The following RPF1 variants were observed in gnomAD, a reference collection of about 807,000 sequenced individuals.
RPF1 encodes ribosome production factor 1 homolog.
RPF1 carries 34 observed loss-of-function variants against 41.9 expected under a neutral mutation model. The observed-to-expected ratio is 0.81, with a 90% CI of 0.62 to 1.08. The LOEUF is 1.08. Ranked by LOEUF, RPF1 falls within the 50% of genes least tolerant of loss-of-function variation. The probability of loss-of-function intolerance (pLI) is 0.00; values close to 1 mark genes in which losing one functional copy is unlikely to be tolerated. For synonymous variants in RPF1, 140 were observed against 148.9 expected (o/e 0.94, Z 0.43); for missense variants, 425 against 435.2 (o/e 0.98, Z 0.21).
intron 5 of RPF1, among the ~76,000 whole-genome samples, chr1:84,490,906 AAGGAGGGGAATAAGGC>A (rs1356160639): frequency 6.6e-6 from 1 of 152,190 alleles, no homozygotes; most frequent in Non-Finnish European, 1.5e-5. Flanking sequence ...GATGAGGGTG[AAGGAGGGGAATAAGGC>A]AGAGAAAAGC....
rs1224772789 is a variant in RPF1, at chr1:84,482,924, A to G, written c.295A>G (p.Lys99Glu). Reference protein sequence around the residue: ...REALGDKAPPKPVPKTIDNQR... With the variant: ...REALGDKAPPEPVPKTIDNQR... ...CTTCTCTTTTACTTAGGCTCCACCAAAGCCTGTACCCAAGACCATTGACAA... is the reference window on the plus strand; with the variant it reads ...CTTCTCTTTTACTTAGGCTCCACCAGAGCCTGTACCCAAGACCATTGACAA... The change falls in exon 3 of 9, where the codon AAG (lysine) becomes GAG (glutamate). Residue 99 changes from lysine to glutamate, a missense_variant. Physicochemically the swap from Lys to Glu is moderately conservative, Grantham distance 56. Coordinates refer to ENST00000370654, the MANE Select transcript of RPF1 (RefSeq NM_025065.7). The G allele has an allele frequency of 3.7e-6, 6 of 1,606,646 alleles. No homozygotes were observed. The South Asian group carries it at 5.5e-5, about 15-fold the overall frequency.
In RPF1 at chr1:84,482,947, C is replaced by T. The variant is rs1482268667; in HGVS notation, c.318C>T (p.Asp106=). 3.7e-6 allele frequency: 6 copies of T among 1,611,960 alleles called. No individual in the cohort carries two copies. The highest frequency in any genetic ancestry group is 4.2e-6 in the Non-Finnish European group (5 of 1,178,236). Residue 106 remains aspartate, a synonymous_variant, in exon 3 of 9, where the codon GAC becomes GAT. Transcript: ENST00000370654. ...CAAAGCCTGTACCCAAGACCATTGA[C>T]AACCAGCGAGTGTATGATGAAACCA... ...APPKPVPKTI[D]NQRVYDETTV...
At position 84,483,088 on chromosome 1, in the gene RPF1, A is replaced by G. The variant is rs1250887210; in HGVS notation, c.366+93A>G. On this transcript the variant is annotated intron_variant, in intron 3 of 8. Coordinates refer to ENST00000370654, the MANE Select transcript of RPF1 (RefSeq NM_025065.7). ...TGATATTTAAAGTGCTGGCTGGCCA[A>G]GTTGCATAATGGACTGATTCAGCTA... 4.2e-5 allele frequency: 32 copies of G among 762,706 alleles called. 1 individual carries two copies. In the South Asian group the frequency reaches 4.9e-4, roughly 12 times the overall value. The allele number at this position is 762,706 out of a possible 1,614,324, so 47.2% of individuals were successfully genotyped here.
chr1:84,482,916 C>T lies in RPF1; in HGVS notation c.287C>T (p.Ala96Val), dbSNP rs1407838578. The T allele has an allele frequency of 1.0e-5, 16 of 1,598,888 alleles. No homozygotes were observed. The highest frequency in any genetic ancestry group is 1.3e-5 in the Non-Finnish European group (15 of 1,166,852). The change falls in exon 3 of 9, where the codon GCT becomes GTT. Residue 96 changes from alanine (A) to valine (V), a missense_variant and splice_region_variant. Ala to Val is a moderately conservative substitution (Grantham distance 64, BLOSUM62 0). Coordinates refer to ENST00000370654, the MANE Select transcript of RPF1 (RefSeq NM_025065.7). ...TGTAATCCCTTCTCTTTTACTTAGG[C>T]TCCACCAAAGCCTGTACCCAAGACC... Reference protein sequence around the residue: ...KKEREALGDKAPPKPVPKTID... With the variant: ...KKEREALGDKVPPKPVPKTID...
intron 6 of RPF1, 67 bp from the exon 7 acceptor site, chr1:84,495,809 CTTGAAA>C (rs1363559146): frequency 1.0e-6 from 1 of 980,444 alleles, no homozygotes; most frequent in Non-Finnish European, 1.5e-6. Context: ...AATTTTGATA[CTTGAAA>C]TTGCATTGGG....
chr1:84,490,230 T>C (rs1191803509), intron 4 of RPF1, 89 bp from the exon 5 acceptor site: 1 of 812,762 alleles, frequency 1.2e-6, no homozygotes, highest in Non-Finnish European at 1.8e-6. Context: ...TCATAATAAT[T>C]ATTATTTCTT....
intron 7 of RPF1, 74 bp downstream of exon 7, chr1:84,496,137 A>T: frequency 1.4e-6 from 2 of 1,475,430 alleles, no homozygotes; most frequent in Non-Finnish European, 1.9e-6. Context: ...ATTTTCCAAC[A>T]TATTGTAGCA....
rs1198956009 is a variant in RPF1, at chr1:84,498,168, TCA to T, written c.*701_*702del. Among the ~76,000 whole-genome samples, 2 of 152,206 alleles carry T rather than the reference TCA, an allele frequency of 1.3e-5. No homozygotes were observed. Among genetic ancestry groups the T allele is most frequent in the African/African-American group, 4.8e-5 (2 of 41,440 alleles). ...CTCCTGACCTTAAAAGAATAAAGGT[TCA>T]CAGTTTACCTTTAATTCCCTAGCAG... On this transcript the variant is annotated 3_prime_UTR_variant, in exon 9 of 9. Coordinates refer to ENST00000370654, the MANE Select transcript of RPF1 (RefSeq NM_025065.7).
At chr1:84,483,279 T>G (rs1169269562) in intron 3 of RPF1, 31 of 363,256 alleles carry the variant, frequency 8.5e-5, no homozygotes, top group Non-Finnish European at 3.6e-5. Context: ...TGTTTTTGAT[T>G]TTGTTGAGAC....
rs373615596 is a variant in RPF1 at position 84,495,325 on chromosome 1, G to C, written c.617-48G>C. The stretch of plus-strand genomic sequence containing the variant: ...AGAGGACCAGTTATTTAAACAATTA[G>C]ATTTAGATTACAGAGTTCAATGTGT... On this transcript the variant is annotated intron_variant, in intron 5 of 8. Transcript: ENST00000370654. The C allele has an allele frequency of 7.9e-5, 69 of 870,474 alleles. No individual in the cohort carries two copies. The African/African-American group carries it at 1.1e-3, about 14-fold the overall frequency. The allele number at this position is 870,474 out of a possible 1,614,324, so 53.9% of individuals were successfully genotyped here. A position where few individuals can be genotyped will look rare whatever the true frequency, so the allele number is the denominator to read the frequency against.
intron 5 of RPF1, among the ~76,000 whole-genome samples, chr1:84,491,451 C>A (rs908808300): frequency 2.6e-5 from 4 of 152,100 alleles, no homozygotes; most frequent in African/African-American, 9.7e-5. Context: ...ACTTTTATGA[C>A]TTTAATTGTT....
intron 3 of RPF1, among the ~76,000 whole-genome samples, chr1:84,488,026 G>C (rs958722801): frequency 2.6e-5 from 4 of 151,854 alleles, no homozygotes; most frequent in Non-Finnish European, 5.9e-5. Context: ...TGGGCTATTT[G>C]CTTCGTCAGT....
intron 7 of RPF1, 73 bp from the exon 8 acceptor site, chr1:84,496,171 T>G (rs1681930915): frequency 1.3e-6 from 2 of 1,497,024 alleles, no homozygotes; most frequent in African/African-American, 1.4e-5. Flanking sequence ...ATAAAATGAA[T>G]TATCTTTTGA....
intron 5 of RPF1, among the ~76,000 whole-genome samples, chr1:84,492,244 G>A (rs1255079421): frequency 1.3e-5 from 2 of 152,164 alleles, no homozygotes; most frequent in Non-Finnish European, 2.9e-5. Context: ...CACATGGGGG[G>A]AAAGTTGAAA....
Position 84,496,202 on chromosome 1 carries a change from A to C in RPF1, c.882-42A>C, listed in dbSNP as rs755237626. On this transcript the variant is annotated intron_variant, in intron 7 of 8. Transcript: ENST00000370654. ...TTTGAACCCTGTCATAATGTTAAAC[A>C]ATAGCTCATTCAGACTAATTTAACT... is the stretch of plus-strand genomic sequence containing the variant. 7 of 1,574,482 alleles carry C rather than the reference A, an allele frequency of 4.4e-6. No individual in the cohort carries two copies. The South Asian group carries it at 8.0e-5, about 18-fold the overall frequency.
At position 84,479,385 on chromosome 1, in the gene RPF1, C is replaced by A. The variant is rs868058330; in HGVS notation, c.104C>A (p.Ala35Glu). ...GAGGCTGCAGGCGCTGGGGATGGGG[C>A]GACGGAAAACGGGGTCCAACCCCCG... ...LQEAAGAGDGATENGVQPPKA... is the reference protein window; with the variant it reads ...LQEAAGAGDGETENGVQPPKA... Residue 35 changes from alanine to glutamate, a missense_variant, in exon 1 of 9, where the codon GCG (alanine) becomes GAG (glutamate). Transcript: ENST00000370654. 1 of 1,614,148 alleles carries A rather than the reference C, an allele frequency of 6.2e-7. No homozygotes were observed. Among genetic ancestry groups the A allele is most frequent in the South Asian group, 1.1e-5 (1 of 91,082 alleles).
At chr1:84,491,867 T>C (rs1681841103) in intron 5 of RPF1, among the ~76,000 whole-genome samples, 1 of 152,140 alleles carries the variant, frequency 6.6e-6, no homozygotes, top group Non-Finnish European at 1.5e-5. Context: ...CTTTAAAAAG[T>C]TTACATTTTC....
chr1:84,491,811 G>A (rs1415629511), intron 5 of RPF1, among the ~76,000 whole-genome samples: 2 of 152,130 alleles, frequency 1.3e-5, no homozygotes, highest in African/African-American at 4.8e-5. Flanking sequence ...GTTTTATCCA[G>A]GGTGTTTTAT....
chr1:84,480,424 A>G (rs1402929798), intron 1 of RPF1, among the ~76,000 whole-genome samples: 1 of 152,238 alleles, frequency 6.6e-6, no homozygotes, highest in Non-Finnish European at 1.5e-5. Context: ...GATTGACAAT[A>G]CAAATACAGA....
Sources: allele counts gnomAD v4.1 joint callset (sites outside exome capture counted in the v4.1 genomes callset), GRCh38; gene constraint gnomAD v4.1.1; transcripts MANE v1.5; gene names NCBI Gene and HGNC (gene_info 2026-07-23, HGNC 2026-07-21).